The following PRKG1 variants were observed in gnomAD, a reference collection of about 807,000 sequenced individuals.
The protein encoded by PRKG1 is cGMP-dependent protein kinase 1.
Under a neutral mutation model 88.1 loss-of-function variants are expected in PRKG1, and 35 were observed. That is an observed-to-expected ratio of 0.40 (90% confidence interval 0.30 to 0.53). The LOEUF (loss-of-function observed/expected upper bound fraction) is 0.53, where lower values mean the gene tolerates loss of function less well. Among genes scored for constraint, PRKG1 ranks in the 20% least tolerant of loss-of-function variants. The probability of loss-of-function intolerance (pLI) is 0.59; values close to 1 mark genes in which losing one functional copy is unlikely to be tolerated. For synonymous variants in PRKG1, 303 were observed against 292.5 expected, an observed-to-expected ratio of 1.04 and a Z score of -0.37; for missense variants, 540 against 839.8, an observed-to-expected ratio of 0.64 and a Z score of 4.41.
chr10:51,966,292 A>G (rs1843565495), intron 5 of PRKG1, among the ~76,000 whole-genome samples: 1 of 152,120 alleles, frequency 6.6e-6, no homozygotes, highest in Non-Finnish European at 1.5e-5. Flanking sequence ...TATTATTACC[A>G]TAAGCAGCTT....
chr10:51,457,122 C>T (rs1312637586), intron 2 of PRKG1, among the ~76,000 whole-genome samples: 1 of 152,172 alleles, frequency 6.6e-6, no homozygotes, highest in East Asian at 1.9e-4. Context: ...AAGACACTTG[C>T]ACACACATGT....
chr10:51,109,029 A>G (rs1016591349), intron 1 of PRKG1, among the ~76,000 whole-genome samples: 7 of 152,284 alleles, frequency 4.6e-5, no homozygotes, highest in Non-Finnish European at 7.4e-5. Context: ...TAAGTGTGAC[A>G]AAAGTTGTAA....
At chr10:51,341,036 A>G (rs1400336683) in intron 2 of PRKG1, among the ~76,000 whole-genome samples, 1 of 152,108 alleles carries the variant, frequency 6.6e-6, no homozygotes, top group African/African-American at 2.4e-5. Flanking sequence ...TACTCCATAC[A>G]CTTGGTGGGA....
chr10:51,285,390 G>A (rs1044891254), intron 2 of PRKG1, among the ~76,000 whole-genome samples: 2 of 151,922 alleles, frequency 1.3e-5, no homozygotes, highest in African/African-American at 4.8e-5. Context: ...CTTCTTTTTA[G>A]TGAAAAATGA....
At chr10:52,250,714 T>A (rs1182341409) in intron 9 of PRKG1, among the ~76,000 whole-genome samples, 1 of 152,188 alleles carries the variant, frequency 6.6e-6, no homozygotes, top group Non-Finnish European at 1.5e-5. Flanking sequence ...TATGCCTTCC[T>A]GTCCTTTCTA....
intron 2 of PRKG1, among the ~76,000 whole-genome samples, chr10:51,374,414 A>G (rs1348275196): frequency 6.6e-6 from 1 of 152,056 alleles, no homozygotes; most frequent in Non-Finnish European, 1.5e-5. Flanking sequence ...TGCAAAGGAC[A>G]TGAACTCATC....
intron 3 of PRKG1, among the ~76,000 whole-genome samples, chr10:51,700,167 T>C (rs1391371707): frequency 4.6e-5 from 7 of 152,202 alleles, no homozygotes; most frequent in African/African-American, 1.4e-4. Context: ...TTTTGGAAAT[T>C]AACTGACAAG....
Position 51,143,879 on chromosome 10 carries a change from G to A in PRKG1, c.312-9285G>A, listed in dbSNP as rs569805437. Reference sequence around the variant, plus strand: ...TTATTTATTTTGGGTATTAAACCCTGGTCATGTGTATAGGAGGCAAATATT... The same window carrying A: ...TTATTTATTTTGGGTATTAAACCCTAGTCATGTGTATAGGAGGCAAATATT... On this transcript the variant is annotated intron_variant, in intron 1 of 17. Coordinates refer to ENST00000373980, the MANE Select transcript of PRKG1 (RefSeq NM_006258.4). Among the ~76,000 whole-genome samples the A allele has an allele frequency of 2.6e-5, 4 of 152,000 alleles. No individual in the cohort carries two copies. In the South Asian group the frequency reaches 8.3e-4, roughly 32 times the overall value.
In PRKG1 at chr10:51,249,695, T is replaced by C. The variant is rs1244679307; in HGVS notation, c.478+96365T>C. ...AGTAGCAGCATATTATAAATTGTTA[T>C]GTTTAACAAAGGACACTATACAATT... On this transcript the variant is annotated intron_variant, in intron 2 of 17. Transcript: ENST00000373980. Among the ~76,000 whole-genome samples, 4 of 151,866 alleles carry C rather than the reference T, an allele frequency of 2.6e-5. No individual in the cohort carries two copies. The East Asian group carries it at 7.7e-4, about 29-fold the overall frequency.
chr10:52,189,896 T>C (rs1232220709), intron 9 of PRKG1, among the ~76,000 whole-genome samples: 1 of 152,250 alleles, frequency 6.6e-6, no homozygotes, highest in Non-Finnish European at 1.5e-5. Flanking sequence ...TAGAGCCACA[T>C]CTTTAATAAT....
chr10:51,230,605 G>A (rs1266286984), intron 2 of PRKG1, among the ~76,000 whole-genome samples: 5 of 152,152 alleles, frequency 3.3e-5, no homozygotes, highest in African/African-American at 1.2e-4. Flanking sequence ...ACTTCTTACG[G>A]ATACTGAAAT....
intron 8 of PRKG1, among the ~76,000 whole-genome samples, chr10:52,149,561 A>T (rs2132664615): frequency 6.6e-6 from 1 of 152,204 alleles, no homozygotes; most frequent in East Asian, 1.9e-4. Context: ...AGGAAAAGAC[A>T]CCAACAGGGC....
chr10:51,137,706 G>T (rs1845722357), intron 1 of PRKG1, among the ~76,000 whole-genome samples: 1 of 152,234 alleles, frequency 6.6e-6, no homozygotes, highest in Non-Finnish European at 1.5e-5. Flanking sequence ...CCCATTGAAA[G>T]TTGGAGTGAA....
At chr10:51,558,657 T>C (rs1765823230) in intron 3 of PRKG1, among the ~76,000 whole-genome samples, 1 of 152,100 alleles carries the variant, frequency 6.6e-6, no homozygotes, top group South Asian at 2.1e-4. Flanking sequence ...TAAATAAGAA[T>C]GGTTTCATGA....
intron 2 of PRKG1, among the ~76,000 whole-genome samples, chr10:51,273,808 C>G (rs1033364557): frequency 6.6e-6 from 1 of 152,202 alleles, no homozygotes; most frequent in African/African-American, 2.4e-5. Context: ...CCACAGTTCC[C>G]CATCTGGCTG....
chr10:51,423,301 A>T (rs1483426652), intron 2 of PRKG1, among the ~76,000 whole-genome samples: 4 of 152,198 alleles, frequency 2.6e-5, no homozygotes, highest in African/African-American at 9.6e-5. Flanking sequence ...TCACATTGAG[A>T]ATATAAATTC....
intron 2 of PRKG1, among the ~76,000 whole-genome samples, chr10:51,279,445 T>C (rs1473893582): frequency 6.6e-6 from 1 of 152,018 alleles, no homozygotes; most frequent in Non-Finnish European, 1.5e-5. Context: ...TAACTTTCTG[T>C]CTTGTGGATC....
rs576030815 is a variant in PRKG1, at chr10:52,274,713, G to T, written c.1403+2232G>T. Among the ~76,000 whole-genome samples the T allele has an allele frequency of 2.0e-5, 3 of 151,758 alleles. No homozygotes were observed. In the East Asian group the frequency reaches 5.8e-4, roughly 29 times the overall value. ...TTGAATAATGACTTCTTTTCATCTG[G>T]GTCAAATGGTAATTCTACTTTTAGT... On this transcript the variant is annotated intron_variant, in intron 12 of 17. Coordinates refer to ENST00000373980, the MANE Select transcript of PRKG1 (RefSeq NM_006258.4).
intron 3 of PRKG1, among the ~76,000 whole-genome samples, chr10:51,670,479 G>A (rs962548106): frequency 6.6e-6 from 1 of 151,008 alleles, no homozygotes; most frequent in African/African-American, 2.4e-5. Context: ...GCTCACGCCT[G>A]TAATCCCAGC....
Sources: allele counts gnomAD v4.1 joint callset (sites outside exome capture counted in the v4.1 genomes callset), GRCh38; gene constraint gnomAD v4.1.1; transcripts MANE v1.5; gene names NCBI Gene and HGNC (gene_info 2026-07-23, HGNC 2026-07-21).